Variants in CDYL observed in about 807,000 individuals in gnomAD.
The protein encoded by CDYL is chromodomain Y like.
A neutral mutation model predicts 47.3 loss-of-function variants in CDYL; 8 were observed. The observed-to-expected ratio is 0.17, with a 90% confidence interval of 0.10 to 0.31. The LOEUF is 0.31. Among genes scored for constraint, CDYL ranks in the 10% least tolerant of loss-of-function variants. CDYL has a pLI of 1.00. For missense variants in CDYL, 471 were observed against 701.4 expected (o/e 0.67, Z 3.71); for synonymous variants, 266 against 265.0 (o/e 1.00, Z -0.04).
chr6:4,768,259 C>T (rs2127424837), intron 3 of CDYL, among the ~76,000 whole-genome samples: 1 of 152,300 alleles, frequency 6.6e-6, no homozygotes, highest in African/African-American at 2.4e-5. Flanking sequence ...GCCTCAGTCA[C>T]AATAAACACA....
chr6:4,819,152 CTCTCTCTCTCTGTGTG>C (rs1174290140), intron 1 of CDYL, among the ~76,000 whole-genome samples: 22 of 138,390 alleles, frequency 1.6e-4, no homozygotes, highest in African/African-American at 3.8e-4. Flanking sequence ...CTCTCTCTCT[CTCTCTCTCTCTGTGTG>C]TGTGTGTGTG....
At chr6:4,786,624 A>G (rs1324366868) in intron 1 of CDYL, among the ~76,000 whole-genome samples, 1 of 152,196 alleles carries the variant, frequency 6.6e-6, no homozygotes, top group Non-Finnish European at 1.5e-5. Flanking sequence ...AAGGTGCACT[A>G]GTAGTTTTTA....
intron 1 of CDYL, among the ~76,000 whole-genome samples, chr6:4,882,639 G>A (rs1761793856): frequency 6.6e-6 from 1 of 152,214 alleles, no homozygotes. Flanking sequence ...TTGCCACATG[G>A]TTGGCTCTTC....
At chr6:4,733,502 C>G (rs892746973) in intron 2 of CDYL, among the ~76,000 whole-genome samples, 1 of 151,758 alleles carries the variant, frequency 6.6e-6, no homozygotes, top group African/African-American at 2.4e-5. Flanking sequence ...TTACACAAGA[C>G]TAGTCTAAAT....
intron 1 of CDYL, among the ~76,000 whole-genome samples, chr6:4,790,595 C>G (rs1314526026): frequency 2.0e-5 from 3 of 152,170 alleles, no homozygotes; most frequent in African/African-American, 7.2e-5. Context: ...TTGACTAAAG[C>G]AATGACATTT....
intron 2 of CDYL, among the ~76,000 whole-genome samples, chr6:4,916,467 A>C (rs1757559384): frequency 6.6e-6 from 1 of 152,264 alleles, no homozygotes; most frequent in African/African-American, 2.4e-5. Flanking sequence ...AACTAAAAAT[A>C]AAGACTGAGT....
chr6:4,947,340 C>T (rs1008789233), intron 5 of CDYL, among the ~76,000 whole-genome samples: 2 of 152,174 alleles, frequency 1.3e-5, no homozygotes, highest in South Asian at 2.1e-4. Flanking sequence ...CACCCAGAAG[C>T]GCCTATACCA....
chr6:4,847,288 C>T (rs1020578361), intron 1 of CDYL, among the ~76,000 whole-genome samples: 1 of 152,194 alleles, frequency 6.6e-6, no homozygotes, highest in Non-Finnish European at 1.5e-5. Flanking sequence ...CGCCCCCATC[C>T]GTCCCTGTCT....
intron 2 of CDYL, among the ~76,000 whole-genome samples, chr6:4,718,259 C>T (rs1222575399): frequency 6.7e-6 from 1 of 148,190 alleles, no homozygotes. Context: ...AGTTTTTTGT[C>T]ATTGGTGGTG....
chr6:4,931,160 T>C (rs543831566), intron 2 of CDYL, among the ~76,000 whole-genome samples: 87 of 152,192 alleles, frequency 5.7e-4, no homozygotes, highest in Admixed American at 1.8e-3. Flanking sequence ...TCCATGAGTT[T>C]ACTGAGTAAA....
At chr6:4,799,628 G>A (rs1759170687) in intron 1 of CDYL, among the ~76,000 whole-genome samples, 1 of 151,946 alleles carries the variant, frequency 6.6e-6, no homozygotes, top group Non-Finnish European at 1.5e-5. Context: ...GTAGAGATGG[G>A]GTTTCATGAT....
At chr6:4,750,885 C>T (rs1379553336) in intron 3 of CDYL, among the ~76,000 whole-genome samples, 1 of 147,014 alleles carries the variant, frequency 6.8e-6, no homozygotes, top group South Asian at 2.1e-4. Context: ...TGGAGTCTTG[C>T]TCTGTCACCT....
chr6:4,942,874 G>A (rs1210746842), intron 4 of CDYL, among the ~76,000 whole-genome samples: 1 of 152,192 alleles, frequency 6.6e-6, no homozygotes, highest in East Asian at 1.9e-4. Flanking sequence ...GCAGGATGTG[G>A]GTACAGGCCT....
In CDYL at chr6:4,901,391, T is replaced by C. The variant is rs576935121; in HGVS notation, c.691+9012T>C. Among the ~76,000 whole-genome samples the C allele has an allele frequency of 5.1e-4, 78 of 152,300 alleles. 1 individual carries two copies. Among genetic ancestry groups the C allele is most frequent in the Middle Eastern group, 3.4e-3 (1 of 294 alleles). On this transcript the variant is annotated intron_variant, in intron 2 of 6. Coordinates refer to ENST00000397588, the MANE Select transcript of CDYL (RefSeq NM_004824.4). The stretch of plus-strand genomic sequence containing the variant: ...AGTCAGGTACTGGCCTTCTGGAATA[T>C]TCCTCCAGTGGCATGCTGTACCTTA...
Position 4,953,981 on chromosome 6 carries a change from G to A in CDYL, c.1560G>A (p.Leu520=), listed in dbSNP as rs1396806855. The A allele has an allele frequency of 6.2e-7, 1 of 1,614,060 alleles. No homozygotes were observed. Among genetic ancestry groups the A allele is most frequent in the Non-Finnish European group, 8.5e-7 (1 of 1,180,040 alleles). ...EQANERECEV[L]KKIWGSAQGM... is the part of the protein sequence containing the mutation. ...CCAACGAGAGGGAGTGTGAGGTGCT[G>A]AAGAAAATCTGGGGCTCGGCCCAGG... Residue 520 remains leucine, a synonymous_variant, in exon 7 of 7, where the codon CTG becomes CTA. Transcript: ENST00000397588.
intron 1 of CDYL, among the ~76,000 whole-genome samples, chr6:4,823,420 A>T (rs1035061564): frequency 6.6e-6 from 1 of 152,198 alleles, no homozygotes; most frequent in Admixed American, 6.5e-5. Context: ...AGAAATCTTG[A>T]TTGGCATTCA....
chr6:4,946,705 G>T (rs1012738357), intron 5 of CDYL, among the ~76,000 whole-genome samples: 1 of 91,982 alleles, frequency 1.1e-5, no homozygotes. Flanking sequence ...GCTCGTGGTG[G>T]TCACTCCCCA....
At chr6:4,752,193 C>G (rs1047657783) in intron 3 of CDYL, among the ~76,000 whole-genome samples, 1 of 152,106 alleles carries the variant, frequency 6.6e-6, no homozygotes, top group Non-Finnish European at 1.5e-5. Context: ...GAGAATTCTG[C>G]TAATGCCCCA....
intron 3 of CDYL, among the ~76,000 whole-genome samples, chr6:4,762,992 A>T (rs1758199214): frequency 6.6e-6 from 1 of 152,192 alleles, no homozygotes; most frequent in Non-Finnish European, 1.5e-5. Flanking sequence ...CATCATAGTA[A>T]AACTGCTGAA....
Sources: allele counts gnomAD v4.1 joint callset (sites outside exome capture counted in the v4.1 genomes callset), GRCh38; gene constraint gnomAD v4.1.1; transcripts MANE v1.5; gene names NCBI Gene and HGNC (gene_info 2026-07-23, HGNC 2026-07-21).